Variants in GTF2A2 observed in about 807,000 individuals in gnomAD.
The protein encoded by GTF2A2 is transcription initiation factor IIA subunit 2.
A neutral mutation model predicts 14.3 loss-of-function variants in GTF2A2; 9 were observed. That is an observed-to-expected ratio of 0.63 (90% CI 0.38 to 1.10). The LOEUF (loss-of-function observed/expected upper bound fraction) is 1.10. Ranked by LOEUF, GTF2A2 falls within the 50% of genes least tolerant of loss-of-function variation. The pLI is 0.01. For missense variants in GTF2A2, 90 were observed against 124.6 expected, an observed-to-expected ratio of 0.72 and a Z score of 1.32; for synonymous variants, 56 against 46.0, an observed-to-expected ratio of 1.22 and a Z score of -0.88.
chr15:59,649,556 A>C (rs1035547563), intron 3 of GTF2A2, among the ~76,000 whole-genome samples: 6 of 152,188 alleles, frequency 3.9e-5, no homozygotes, highest in Non-Finnish European at 8.8e-5. Flanking sequence ...AAAAAAACAC[A>C]AACTAATTTT....
chr15:59,645,843 T>C (rs1198103488), intron 3 of GTF2A2, among the ~76,000 whole-genome samples: 1 of 151,902 alleles, frequency 6.6e-6, no homozygotes, highest in Non-Finnish European at 1.5e-5. Context: ...AAGACCAGCC[T>C]GGCCAACATA....
chr15:59,654,629 G>T lies in GTF2A2; in HGVS notation c.-49-2303C>A, dbSNP rs186467234. On this transcript the variant is annotated intron_variant, in intron 1 of 4. Transcript: ENST00000396060. Reference sequence around the variant, plus strand: ...TTTACCAACTAGAACAACGTATGTAGTATCTATTAAGTATCTGTTGAGTGA... The same window carrying T: ...TTTACCAACTAGAACAACGTATGTATTATCTATTAAGTATCTGTTGAGTGA... Among the ~76,000 whole-genome samples the T allele has an allele frequency of 9.8e-5, 15 of 152,288 alleles. No individual in the cohort carries two copies. In the East Asian group the frequency reaches 2.9e-3, roughly 29 times the overall value.
chr15:59,642,101 C>CAA (rs1566925783), intron 4 of GTF2A2, 35 bp downstream of exon 4: 1 of 1,570,430 alleles, frequency 6.4e-7, no homozygotes, highest in Non-Finnish European at 8.6e-7. Flanking sequence ...AACAAGGTTT[C>CAA]AAGTAGCTTT....
Position 59,652,192 on chromosome 15 carries a change from A to G in GTF2A2, c.72+14T>C, listed in dbSNP as rs747757229. On this transcript the variant is annotated intron_variant, in intron 2 of 4. Coordinates refer to ENST00000396060, the MANE Select transcript of GTF2A2 (RefSeq NM_004492.3). ...TCAAGATAAAAATGTTTGATTTTTA[A>G]TTCAGTCTCCCACCTGTATGAGCTC... is the stretch of plus-strand genomic sequence containing the variant. 6.8e-7 allele frequency: 1 copy of G among 1,467,706 alleles called. No individual in the cohort carries two copies. Among genetic ancestry groups the G allele is most frequent in the East Asian group, 2.3e-5 (1 of 43,892 alleles). 90.9% of individuals were successfully genotyped at this position (1,467,706 alleles called of 1,614,324 possible). A position where few individuals can be genotyped will look rare whatever the true frequency, so the allele number is the denominator to read the frequency against.
intron 3 of GTF2A2, among the ~76,000 whole-genome samples, chr15:59,644,751 A>C (rs1891547157): frequency 6.6e-6 from 1 of 152,210 alleles, no homozygotes; most frequent in African/African-American, 2.4e-5. Flanking sequence ...ATGGAAAGGA[A>C]GACAAACACT....
intron 4 of GTF2A2, among the ~76,000 whole-genome samples, chr15:59,640,614 G>C (rs909902316): frequency 6.6e-6 from 1 of 152,054 alleles, no homozygotes; most frequent in African/African-American, 2.4e-5. Context: ...GAACATGTCC[G>C]TGCTAAAAAA....
chr15:59,652,047 A>G, intron 2 of GTF2A2, 159 bp downstream of exon 2: 1 of 566,554 alleles, frequency 1.8e-6, no homozygotes, highest in South Asian at 2.2e-5. Flanking sequence ...AGGACAGTGT[A>G]ATAAACAAGA....
At chr15:59,645,241 T>C (rs1363609512) in intron 3 of GTF2A2, among the ~76,000 whole-genome samples, 2 of 152,174 alleles carry the variant, frequency 1.3e-5, no homozygotes, top group Non-Finnish European at 2.9e-5. Flanking sequence ...AGTCATGATG[T>C]CCAATAAGTA....
At chr15:59,656,655 G>C (rs1891952749) in intron 1 of GTF2A2, among the ~76,000 whole-genome samples, 1 of 152,210 alleles carries the variant, frequency 6.6e-6, no homozygotes, top group African/African-American at 2.4e-5. Context: ...GAGGGGAGAG[G>C]GGGTTAAAAA....
intron 3 of GTF2A2, 104 bp downstream of exon 3, chr15:59,650,565 C>A: frequency 1.6e-6 from 1 of 607,760 alleles, no homozygotes; most frequent in Non-Finnish European, 2.9e-6. Context: ...TTGACTAAGC[C>A]ACCTCTTCCT....
intron 3 of GTF2A2, 49 bp downstream of exon 3, chr15:59,650,619 GT>G (rs1449766303): frequency 1.9e-6 from 2 of 1,044,678 alleles, no homozygotes; most frequent in African/African-American, 3.2e-5. Flanking sequence ...AAAAATCAGT[GT>G]TTTAACAACC....
At chr15:59,655,418 T>C (rs1210852475) in intron 1 of GTF2A2, among the ~76,000 whole-genome samples, 1 of 152,226 alleles carries the variant, frequency 6.6e-6, no homozygotes, top group African/African-American at 2.4e-5. Context: ...ATGCTAAAGC[T>C]AATTCTCTAG....
chr15:59,643,749 C>T (rs1033327594), intron 3 of GTF2A2, among the ~76,000 whole-genome samples: 20 of 141,214 alleles, frequency 1.4e-4, no homozygotes, highest in Non-Finnish European at 7.6e-5. Flanking sequence ...AGGGCGTAGG[C>T]CACCATGCCT....
intron 4 of GTF2A2, among the ~76,000 whole-genome samples, chr15:59,641,496 T>G (rs774540245): frequency 6.6e-6 from 1 of 152,186 alleles, no homozygotes; most frequent in Non-Finnish European, 1.5e-5. Context: ...TCTTTTCTAT[T>G]TACTTTCTGG....
chr15:59,643,552 A>AGTAGGAATATATATATACT (rs1165364421), intron 3 of GTF2A2, among the ~76,000 whole-genome samples: 1 of 151,512 alleles, frequency 6.6e-6, no homozygotes, highest in Non-Finnish European at 1.5e-5. Context: ...AATTGTTTAA[A>AGTAGGAATATATATATACT]GTAGGAATAT....
chr15:59,645,105 G>T (rs1382476610), intron 3 of GTF2A2, among the ~76,000 whole-genome samples: 1 of 152,136 alleles, frequency 6.6e-6, no homozygotes, highest in Non-Finnish European at 1.5e-5. Context: ...AAATATGGTG[G>T]GGTTGGGGGA....
At position 59,638,998 on chromosome 15, in the gene GTF2A2, T is replaced by C; in HGVS notation, c.*134A>G. ...GAGGCTACAGAGTTACAAGTTTCTT[T>C]CTACTGGAATTCTCTGGTATAGCAC... On this transcript the variant is annotated 3_prime_UTR_variant, in exon 5 of 5. Coordinates refer to ENST00000396060, the MANE Select transcript of GTF2A2 (RefSeq NM_004492.3). 3 of 644,880 alleles carry C rather than the reference T, an allele frequency of 4.7e-6. No homozygotes were observed. The highest frequency in any genetic ancestry group is 8.5e-6 in the Non-Finnish European group (3 of 353,690). The allele number at this position is 644,880 out of a possible 1,614,324, so 39.9% of individuals were successfully genotyped here. A position where few individuals can be genotyped will look rare whatever the true frequency, so the allele number is the denominator to read the frequency against.
At chr15:59,643,947 T>G (rs1316066013) in intron 3 of GTF2A2, among the ~76,000 whole-genome samples, 1 of 151,800 alleles carries the variant, frequency 6.6e-6, no homozygotes, top group Non-Finnish European at 1.5e-5. Context: ...CAGGCTGGAG[T>G]GCAGTGCTGT....
intron 3 of GTF2A2, among the ~76,000 whole-genome samples, chr15:59,642,617 T>C (rs1256200308): frequency 1.3e-5 from 2 of 152,280 alleles, no homozygotes; most frequent in South Asian, 2.1e-4. Context: ...TTACATATTT[T>C]ATTGTGTATG....
Sources: allele counts gnomAD v4.1 joint callset (sites outside exome capture counted in the v4.1 genomes callset), GRCh38; gene constraint gnomAD v4.1.1; transcripts MANE v1.5; gene names NCBI Gene and HGNC (gene_info 2026-07-23, HGNC 2026-07-21).